The following CNTNAP2 variants were observed in gnomAD, a reference collection of about 807,000 sequenced individuals.
CNTNAP2 encodes contactin associated protein 2, also known as contactin-associated protein-like 2.
A neutral mutation model predicts 155.2 loss-of-function variants in CNTNAP2; 98 were observed. The observed-to-expected ratio is 0.63, with a 90% CI of 0.54 to 0.75. CNTNAP2 has a LOEUF of 0.75. CNTNAP2 is among the 30% of genes least tolerant of loss of function. The pLI, the probability that CNTNAP2 is intolerant of heterozygous loss-of-function variation, is 0.00. For synonymous variants in CNTNAP2, 651 were observed against 631.2 expected, an observed-to-expected ratio of 1.03 and a Z score of -0.47; for missense variants, 1,727 against 1,688.1, an observed-to-expected ratio of 1.02 and a Z score of -0.40.
intron 3 of CNTNAP2, among the ~76,000 whole-genome samples, chr7:147,034,645 T>C (rs1015694921): frequency 6.6e-6 from 1 of 152,090 alleles, no homozygotes; most frequent in Non-Finnish European, 1.5e-5. Flanking sequence ...TCTTCAAGAA[T>C]GGGTGTAAGG....
Position 146,268,938 on chromosome 7 carries a change from T to C in CNTNAP2, c.97+151965T>C, listed in dbSNP as rs748387495. Among the ~76,000 whole-genome samples the C allele has an allele frequency of 5.2e-4, 79 of 152,098 alleles. 1 individual carries two copies. The highest frequency in any genetic ancestry group is 1.1e-3 in the Non-Finnish European group (77 of 68,016). On this transcript the variant is annotated intron_variant, in intron 1 of 23. Transcript: ENST00000361727. ...ATAGCTGTGAAAGTCTACAAGGCAATGGGAGTGAAAAGCATAATTTAAAAC... is the reference window on the plus strand; with the variant it reads ...ATAGCTGTGAAAGTCTACAAGGCAACGGGAGTGAAAAGCATAATTTAAAAC...
chr7:146,404,138 A>AAAAAC (rs1292498864), intron 1 of CNTNAP2, among the ~76,000 whole-genome samples: 1 of 150,592 alleles, frequency 6.6e-6, no homozygotes, highest in African/African-American at 2.5e-5. Flanking sequence ...AAAAAAAAAA[A>AAAAAC]AAAACAAAGA....
At chr7:148,374,258 C>T (rs1306307966) in intron 21 of CNTNAP2, among the ~76,000 whole-genome samples, 1 of 151,784 alleles carries the variant, frequency 6.6e-6, no homozygotes, top group African/African-American at 2.4e-5. Flanking sequence ...AATTATAATA[C>T]AACTGAGAAC....
At chr7:146,177,278 A>C (rs536810314) in intron 1 of CNTNAP2, among the ~76,000 whole-genome samples, 1 of 152,300 alleles carries the variant, frequency 6.6e-6, no homozygotes, top group African/African-American at 2.4e-5. Flanking sequence ...ATTTAGTATA[A>C]GAAATTCTGG....
At chr7:146,608,954 A>T (rs1399653558) in intron 1 of CNTNAP2, among the ~76,000 whole-genome samples, 1 of 152,152 alleles carries the variant, frequency 6.6e-6, no homozygotes, top group Admixed American at 6.5e-5. Context: ...TATAAATAAA[A>T]TTATTTCCAA....
intron 1 of CNTNAP2, among the ~76,000 whole-genome samples, chr7:146,269,230 C>T (rs1360128095): frequency 6.6e-6 from 1 of 152,090 alleles, no homozygotes; most frequent in African/African-American, 2.4e-5. Context: ...GTCCCAGGCA[C>T]TTGGGAGGCT....
intron 8 of CNTNAP2, among the ~76,000 whole-genome samples, chr7:147,249,454 A>G (rs1053036031): frequency 1.3e-5 from 2 of 152,076 alleles, no homozygotes; most frequent in African/African-American, 2.4e-5. Flanking sequence ...AATATTTTGT[A>G]AAGTAACCAT....
At chr7:148,114,349 A>T (rs571958442) in intron 15 of CNTNAP2, among the ~76,000 whole-genome samples, 88 of 152,198 alleles carry the variant, frequency 5.8e-4, no homozygotes, top group Non-Finnish European at 9.6e-4. Flanking sequence ...ATTCTGTCTC[A>T]TGAGGACTTT....
intron 1 of CNTNAP2, among the ~76,000 whole-genome samples, chr7:146,190,692 G>T (rs1798690592): frequency 6.6e-6 from 1 of 152,178 alleles, no homozygotes; most frequent in Non-Finnish European, 1.5e-5. Context: ...AAGCAGAATT[G>T]TTACATTCCT....
At chr7:146,425,022 T>A (rs1359070213) in intron 1 of CNTNAP2, among the ~76,000 whole-genome samples, 3 of 152,156 alleles carry the variant, frequency 2.0e-5, no homozygotes, top group Non-Finnish European at 4.4e-5. Context: ...AATCACTAGG[T>A]ATAAAAACAA....
At chr7:147,396,753 A>G (rs1019899351) in intron 10 of CNTNAP2, among the ~76,000 whole-genome samples, 2 of 151,982 alleles carry the variant, frequency 1.3e-5, no homozygotes, top group Admixed American at 6.6e-5. Flanking sequence ...AATTTATATG[A>G]TTTTCTAAGA....
chr7:146,624,922 C>A (rs199759989), intron 1 of CNTNAP2, among the ~76,000 whole-genome samples: 4 of 152,016 alleles, frequency 2.6e-5, no homozygotes, highest in Middle Eastern at 3.4e-3. Context: ...ATATTTTTAA[C>A]ATGTTTTCCT....
chr7:146,826,838 A>G lies in CNTNAP2; in HGVS notation c.209-12873A>G, dbSNP rs183323863. On this transcript the variant is annotated intron_variant, in intron 2 of 23. Coordinates refer to ENST00000361727, the MANE Select transcript of CNTNAP2 (RefSeq NM_014141.6). ...TTTTTAAGAATGAATGAATATATGTATATATATATATATATATATAGAGAG... is the reference window on the plus strand; with the variant it reads ...TTTTTAAGAATGAATGAATATATGTGTATATATATATATATATATAGAGAG... Among the ~76,000 whole-genome samples the G allele has an allele frequency of 4.1e-3, 514 of 126,154 alleles. 4 individuals are homozygous for G. The highest frequency in any genetic ancestry group is 0.015 in the African/African-American group (437 of 29,648). 82.8% of individuals were successfully genotyped at this position (126,154 alleles called of 152,430 possible).
At chr7:147,752,112 G>A (rs1797145689) in intron 13 of CNTNAP2, among the ~76,000 whole-genome samples, 1 of 152,200 alleles carries the variant, frequency 6.6e-6, no homozygotes, top group African/African-American at 2.4e-5. Context: ...TCTAACTGAT[G>A]AGTCTAATGA....
intron 1 of CNTNAP2, among the ~76,000 whole-genome samples, chr7:146,143,737 C>T (rs1398525580): frequency 4.0e-5 from 6 of 151,856 alleles, no homozygotes; most frequent in Admixed American, 3.3e-4. Context: ...AGTCTTCTTA[C>T]TTTAGAGTAT....
At chr7:147,815,040 G>C (rs1046869602) in intron 13 of CNTNAP2, among the ~76,000 whole-genome samples, 1 of 152,114 alleles carries the variant, frequency 6.6e-6, no homozygotes, top group African/African-American at 2.4e-5. Context: ...GGGAGAGAGT[G>C]GTTCCTCATA....
At chr7:147,506,524 G>A (rs371506681) in intron 11 of CNTNAP2, among the ~76,000 whole-genome samples, 134 of 152,274 alleles carry the variant, frequency 8.8e-4, no homozygotes, top group African/African-American at 3.1e-3. Flanking sequence ...CAAAATGCTG[G>A]GATTACAGGC....
intron 1 of CNTNAP2, among the ~76,000 whole-genome samples, chr7:146,375,523 T>TA (rs1305011601): frequency 1.1e-4 from 16 of 152,336 alleles, no homozygotes; most frequent in Non-Finnish European, 2.1e-4. Context: ...CTTATGGTCC[T>TA]ATGATGAAAG....
At chr7:146,861,065 G>T (rs1024325124) in intron 3 of CNTNAP2, among the ~76,000 whole-genome samples, 36 of 151,718 alleles carry the variant, frequency 2.4e-4, no homozygotes, top group Admixed American at 3.3e-4. Flanking sequence ...TGTTTGTTTG[G>T]TTTTTTGTTT....
Sources: gnomAD v4.1 joint callset for allele counts (sites outside exome capture counted in the v4.1 genomes callset) on GRCh38, gnomAD v4.1.1 for gene constraint, MANE v1.5 for transcripts, NCBI Gene and HGNC (gene_info 2026-07-23, HGNC 2026-07-21) for gene names.